Variants in CSMD1 observed in about 807,000 individuals in gnomAD.
The protein encoded by CSMD1 is CUB and sushi domain-containing protein 1.
A neutral mutation model predicts 417.5 loss-of-function variants in CSMD1; 213 were observed. The ratio of observed to expected loss-of-function variants is 0.51; its 90% CI spans 0.46 to 0.57. The LOEUF is 0.57. Among genes scored for constraint, CSMD1 ranks in the 20% least tolerant of loss-of-function variants. The pLI, the probability that CSMD1 is intolerant of heterozygous loss-of-function variation, is 0.00. For missense variants in CSMD1, 6,923 were observed against 4,529.7 expected, an observed-to-expected ratio of 1.53 and a Z score of -15.17; for synonymous variants, 2,862 against 1,736.8, an observed-to-expected ratio of 1.65 and a Z score of -16.11.
intron 1 of CSMD1, among the ~76,000 whole-genome samples, chr8:4,812,132 A>G (rs966954804): frequency 6.6e-6 from 1 of 152,184 alleles, no homozygotes; most frequent in Admixed American, 6.5e-5. Flanking sequence ...AACACAACCA[A>G]TTATGCCCTT....
At chr8:3,442,052 TA>T (rs1178402501) in intron 12 of CSMD1, among the ~76,000 whole-genome samples, 1 of 150,654 alleles carries the variant, frequency 6.6e-6, no homozygotes, top group African/African-American at 2.4e-5. Flanking sequence ...ACAAAAATTT[TA>T]AACAAAAAAT....
In CSMD1 at chr8:2,936,228, T is replaced by TGTAC. The variant is rs1358337575; in HGVS notation, c.*2356_*2357insGTAC. On this transcript the variant is annotated 3_prime_UTR_variant, in exon 70 of 70. Coordinates refer to ENST00000635120, the MANE Select transcript of CSMD1 (RefSeq NM_033225.6). ...CTAATTTGATATGTGGTTTCTTGTA[T>TGTAC]GTATGTATGTCCTGTCATTTCAGGA... The TGTAC allele has an allele frequency of 2.6e-5, 4 of 151,964 alleles. No homozygotes were observed. Among genetic ancestry groups the TGTAC allele is most frequent in the African/African-American group, 9.7e-5 (4 of 41,332 alleles). 9.4% of individuals were successfully genotyped at this position (151,964 alleles called of 1,614,324 possible). A position where few individuals can be genotyped will look rare whatever the true frequency, so the allele number is the denominator to read the frequency against.
intron 26 of CSMD1, among the ~76,000 whole-genome samples, chr8:3,245,302 TACCTGGGTC>T (rs1303997777): frequency 8.5e-5 from 13 of 152,140 alleles, no homozygotes; most frequent in African/African-American, 2.9e-4. Flanking sequence ...TTCCTTCCGG[TACCTGGGTC>T]CCAGTCACTA....
intron 1 of CSMD1, among the ~76,000 whole-genome samples, chr8:4,922,727 T>C (rs1806577467): frequency 6.6e-6 from 1 of 152,162 alleles, no homozygotes; most frequent in African/African-American, 2.4e-5. Flanking sequence ...ATGCATTCTG[T>C]GTTCTCACGC....
chr8:3,768,412 G>A (rs1206878028), intron 5 of CSMD1, among the ~76,000 whole-genome samples: 14 of 152,114 alleles, frequency 9.2e-5, no homozygotes, highest in Admixed American at 3.9e-4. Flanking sequence ...ATCAATCCAT[G>A]TTTATAAATG....
At chr8:3,474,155 T>G (rs56383786) in intron 11 of CSMD1, among the ~76,000 whole-genome samples, 140 of 152,282 alleles carry the variant, frequency 9.2e-4, no homozygotes, top group African/African-American at 3.0e-3. Context: ...TGCCTGGACT[T>G]GCTCCCAGGT....
chr8:4,120,036 C>T (rs1386195032), intron 3 of CSMD1, among the ~76,000 whole-genome samples: 1 of 152,114 alleles, frequency 6.6e-6, no homozygotes, highest in African/African-American at 2.4e-5. Context: ...TTTAATTGCA[C>T]ATTTAAAAAT....
chr8:4,235,324 T>G (rs954551288), intron 3 of CSMD1, among the ~76,000 whole-genome samples: 1 of 151,948 alleles, frequency 6.6e-6, no homozygotes, highest in Non-Finnish European at 1.5e-5. Flanking sequence ...AAAATTTATA[T>G]AGCCATTCAT....
At chr8:2,993,979 A>G (rs1370813501) in intron 54 of CSMD1, among the ~76,000 whole-genome samples, 1 of 138,560 alleles carries the variant, frequency 7.2e-6, no homozygotes, top group African/African-American at 3.2e-5. Flanking sequence ...CCCCATCCCT[A>G]CTAAAAAAAA....
At chr8:3,883,879 T>G (rs1051916764) in intron 5 of CSMD1, among the ~76,000 whole-genome samples, 1 of 152,134 alleles carries the variant, frequency 6.6e-6, no homozygotes, top group Non-Finnish European at 1.5e-5. Flanking sequence ...ATACGGTTTT[T>G]CATATGTGTA....
chr8:4,361,863 A>G (rs1489956823), intron 3 of CSMD1, among the ~76,000 whole-genome samples: 3 of 152,070 alleles, frequency 2.0e-5, no homozygotes, highest in Admixed American at 6.6e-5. Context: ...GCTAAGGCAG[A>G]AGAATTGCTT....
At chr8:3,546,859 T>G (rs1798688462) in intron 10 of CSMD1, among the ~76,000 whole-genome samples, 1 of 152,182 alleles carries the variant, frequency 6.6e-6, no homozygotes, top group Non-Finnish European at 1.5e-5. Context: ...GAAGGTGAAA[T>G]ATTGGAAAAA....
chr8:3,286,582 A>G (rs146203416), intron 25 of CSMD1, among the ~76,000 whole-genome samples: 100,194 of 151,870 alleles, frequency 0.66, 34,973 homozygotes, highest in Middle Eastern at 0.81. Flanking sequence ...GGCCGGTGAT[A>G]ATGAGCATTT....
intron 6 of CSMD1, among the ~76,000 whole-genome samples, chr8:3,731,771 G>A (rs186602470): frequency 6.6e-6 from 1 of 152,244 alleles, no homozygotes; most frequent in East Asian, 1.9e-4. Context: ...AATATTAATG[G>A]TAACAGCATT....
Position 4,248,149 on chromosome 8 carries a change from G to A in CSMD1, c.415+171804C>T, listed in dbSNP as rs183496115. Among the ~76,000 whole-genome samples, 10 of 152,008 alleles carry A rather than the reference G, an allele frequency of 6.6e-5. No homozygotes were observed. The East Asian group carries it at 1.9e-3, about 30-fold the overall frequency. Reference sequence around the variant, plus strand: ...AAACAAATGGGCTATTTTGTAATTAGAAGAAAAAAATTGCTTTGAAACTTG... The same window carrying A: ...AAACAAATGGGCTATTTTGTAATTAAAAGAAAAAAATTGCTTTGAAACTTG... On this transcript the variant is annotated intron_variant, in intron 3 of 69. Coordinates refer to ENST00000635120, the MANE Select transcript of CSMD1 (RefSeq NM_033225.6).
rs1814173678 is a variant in CSMD1, at chr8:3,984,704, C to CATTCAT, written c.818+13198_818+13199insATGAAT. ...TGGGTTCAGGATTCAGTGTATATAT[C>CATTCAT]ATATATATATATATATATATATATA... On this transcript the variant is annotated intron_variant, in intron 5 of 69. Coordinates refer to ENST00000635120, the MANE Select transcript of CSMD1 (RefSeq NM_033225.6). Among the ~76,000 whole-genome samples, 72 of 82,830 alleles carry CATTCAT rather than the reference C, an allele frequency of 8.7e-4. 13 individuals carry two copies. The highest frequency in any genetic ancestry group is 1.3e-3 in the Non-Finnish European group (55 of 41,186). The allele number at this position is 82,830 out of a possible 152,430, so 54.3% of individuals were successfully genotyped here.
chr8:3,712,465 T>G (rs1400224636), intron 6 of CSMD1, among the ~76,000 whole-genome samples: 1 of 151,770 alleles, frequency 6.6e-6, no homozygotes, highest in Non-Finnish European at 1.5e-5. Flanking sequence ...AAACTAGAGC[T>G]GCAGGAATGC....
chr8:4,374,150 C>G (rs1320150112), intron 3 of CSMD1, among the ~76,000 whole-genome samples: 1 of 152,134 alleles, frequency 6.6e-6, no homozygotes, highest in South Asian at 2.1e-4. Context: ...TAAGTACGTC[C>G]TTACCCTCCC....
At chr8:3,136,066 A>C (rs1295530400) in intron 41 of CSMD1, among the ~76,000 whole-genome samples, 1 of 152,084 alleles carries the variant, frequency 6.6e-6, no homozygotes, top group African/African-American at 2.4e-5. Flanking sequence ...CAAAGAGGGC[A>C]GACTCATGGG....
Sources: gnomAD v4.1 joint callset for allele counts (sites outside exome capture counted in the v4.1 genomes callset) on GRCh38, gnomAD v4.1.1 for gene constraint, MANE v1.5 for transcripts, NCBI Gene and HGNC (gene_info 2026-07-23, HGNC 2026-07-21) for gene names.